The following NAALADL2 variants were observed in gnomAD, a reference collection of about 807,000 sequenced individuals.
The protein encoded by NAALADL2 is N-acetylated alpha-linked acidic dipeptidase like 2, also known as inactive N-acetylated-alpha-linked acidic dipeptidase-like protein 2.
A neutral mutation model predicts 87.2 loss-of-function variants in NAALADL2; 76 were observed. The observed-to-expected ratio is 0.87, with a 90% CI of 0.72 to 1.05. The LOEUF is 1.05. Ranked by LOEUF, NAALADL2 falls within the 50% of genes least tolerant of loss-of-function variation. NAALADL2 has a pLI of 0.00. For missense variants in NAALADL2, 1,089 were observed against 945.8 expected (o/e 1.15, Z -1.99); for synonymous variants, 354 against 331.0 (o/e 1.07, Z -0.75).
chr3:175,013,143 T>C (rs1324538235), intron 1 of NAALADL2, among the ~76,000 whole-genome samples: 8 of 79,702 alleles, frequency 1.0e-4, no homozygotes, highest in Non-Finnish European at 1.9e-4. Flanking sequence ...TATAAATATG[T>C]AATACATATT....
At chr3:175,644,225 T>C (rs189374983) in intron 11 of NAALADL2, among the ~76,000 whole-genome samples, 42 of 152,278 alleles carry the variant, frequency 2.8e-4, no homozygotes, top group Non-Finnish European at 3.5e-4. Flanking sequence ...AAATATCTGC[T>C]CTCAGATTTT....
intron 1 of NAALADL2, among the ~76,000 whole-genome samples, chr3:174,865,251 A>G (rs912259700): frequency 6.6e-6 from 1 of 152,096 alleles, no homozygotes; most frequent in Non-Finnish European, 1.5e-5. Flanking sequence ...AAATACTTTG[A>G]AAAGTCAACT....
At chr3:174,563,250 T>A (rs1713841722) in intron 2 of NAALADL2, among the ~76,000 whole-genome samples, 1 of 151,730 alleles carries the variant, frequency 6.6e-6, no homozygotes, top group Non-Finnish European at 1.5e-5. Flanking sequence ...TTAGCATGTT[T>A]ATTTCTTCTC....
At position 174,983,739 on chromosome 3, in the gene NAALADL2, A is replaced by T. The variant is rs141915569; in HGVS notation, c.44-113051A>T. 3.5e-3 allele frequency among the ~76,000 whole-genome samples: 533 copies of T among 152,292 alleles called. 3 individuals are homozygous for T. The highest frequency in any genetic ancestry group is 6.8e-3 in the Middle Eastern group (2 of 294). ...CGACTCCTAATACCATTACCTTGGT[A>T]ATCAGGTTTCAACATATTAATTTTA... On this transcript the variant is annotated intron_variant, in intron 1 of 13. Transcript: ENST00000454872.
chr3:174,739,042 A>G (rs975258226), intron 3 of NAALADL2, among the ~76,000 whole-genome samples: 3 of 152,178 alleles, frequency 2.0e-5, no homozygotes, highest in African/African-American at 7.2e-5. Context: ...TTTTATCAAC[A>G]GTCTAACGAA....
chr3:175,751,785 C>G (rs1341427306), intron 12 of NAALADL2, among the ~76,000 whole-genome samples: 3 of 152,032 alleles, frequency 2.0e-5, no homozygotes, highest in Admixed American at 6.6e-5. Context: ...GTACTATGAA[C>G]AGCCTCAGTT....
intron 5 of NAALADL2, among the ~76,000 whole-genome samples, chr3:175,405,720 A>AT (rs1712214559): frequency 1.3e-5 from 1 of 76,878 alleles, no homozygotes; most frequent in African/African-American, 4.7e-5. Context: ...TTTCTTGAAC[A>AT]CCTATGTTCC....
chr3:175,785,300 G>A (rs1330318050), intron 13 of NAALADL2, among the ~76,000 whole-genome samples: 2 of 150,176 alleles, frequency 1.3e-5, no homozygotes, highest in East Asian at 3.9e-4. Flanking sequence ...AGTTGACAGT[G>A]GGGTGTTAAA....
intron 6 of NAALADL2, among the ~76,000 whole-genome samples, chr3:175,460,500 G>A (rs1439852930): frequency 3.3e-5 from 5 of 152,110 alleles, no homozygotes. Flanking sequence ...AAAAGATTAG[G>A]TTTATTTTCT....
chr3:175,118,375 G>A (rs1446635962), intron 2 of NAALADL2, among the ~76,000 whole-genome samples: 1 of 151,604 alleles, frequency 6.6e-6, no homozygotes, highest in Non-Finnish European at 1.5e-5. Context: ...TCAATAATGA[G>A]TATGCTAGTG....
At chr3:175,078,055 C>T (rs1217960206) in intron 1 of NAALADL2, among the ~76,000 whole-genome samples, 1 of 150,224 alleles carries the variant, frequency 6.7e-6, no homozygotes, top group Non-Finnish European at 1.5e-5. Context: ...GAGACAATCT[C>T]ACTCCGTCAC....
intron 1 of NAALADL2, among the ~76,000 whole-genome samples, chr3:174,929,313 A>AT (rs940922139): frequency 1.3e-5 from 2 of 152,194 alleles, no homozygotes; most frequent in African/African-American, 4.8e-5. Context: ...GAAATGTCTG[A>AT]TTTTTTTAAA....
chr3:174,543,142 G>A (rs1444459517), intron 1 of NAALADL2, among the ~76,000 whole-genome samples: 1 of 152,212 alleles, frequency 6.6e-6, no homozygotes, highest in African/African-American at 2.4e-5. Context: ...TTAGATGTGA[G>A]AAGCAGGTAC....
chr3:174,912,893 G>T (rs1733888539), intron 1 of NAALADL2, among the ~76,000 whole-genome samples: 1 of 152,144 alleles, frequency 6.6e-6, no homozygotes, highest in Non-Finnish European at 1.5e-5. Flanking sequence ...ATTTGAACAT[G>T]ATAAACTAGT....
intron 1 of NAALADL2, among the ~76,000 whole-genome samples, chr3:175,015,545 C>A (rs1383651978): frequency 6.6e-6 from 1 of 151,998 alleles, no homozygotes; most frequent in Non-Finnish European, 1.5e-5. Flanking sequence ...GGTATCAATT[C>A]ATCACAGTTC....
At chr3:174,753,699 C>G (rs1433126223) in intron 3 of NAALADL2, among the ~76,000 whole-genome samples, 1 of 152,160 alleles carries the variant, frequency 6.6e-6, no homozygotes, top group Non-Finnish European at 1.5e-5. Context: ...CGCCTCCTCT[C>G]TACCCAGCCA....
intron 1 of NAALADL2, among the ~76,000 whole-genome samples, chr3:174,936,375 G>A (rs1000986718): frequency 2.0e-5 from 3 of 151,682 alleles, no homozygotes; most frequent in African/African-American, 7.3e-5. Context: ...TCTATTCCTG[G>A]ATGCCTACTC....
intron 2 of NAALADL2, among the ~76,000 whole-genome samples, chr3:175,197,267 A>G (rs1428996956): frequency 1.3e-5 from 2 of 152,038 alleles, no homozygotes; most frequent in Admixed American, 1.3e-4. Flanking sequence ...AAGCCCGCGT[A>G]GAGTCCGTAA....
intron 11 of NAALADL2, among the ~76,000 whole-genome samples, chr3:175,677,757 C>T (rs1735017649): frequency 6.6e-6 from 1 of 152,088 alleles, no homozygotes; most frequent in Non-Finnish European, 1.5e-5. Context: ...TTAATAGCAA[C>T]AAGGCTGTTC....
Sources: allele counts gnomAD v4.1 joint callset (sites outside exome capture counted in the v4.1 genomes callset), GRCh38; gene constraint gnomAD v4.1.1; transcripts MANE v1.5; gene names NCBI Gene and HGNC (gene_info 2026-07-23, HGNC 2026-07-21).